The following ADAMTS6 variants were observed in gnomAD, a reference collection of about 807,000 sequenced individuals.
ADAMTS6 encodes the protein A disintegrin and metalloproteinase with thrombospondin motifs 6.
Under a neutral mutation model 144.3 loss-of-function variants are expected in ADAMTS6, and 23 were observed. The observed-to-expected ratio is 0.16, with a 90% CI of 0.11 to 0.23. ADAMTS6 has a LOEUF of 0.23. Ranked by LOEUF, ADAMTS6 falls within the 10% of genes least tolerant of loss-of-function variation. The pLI is 1.00. For synonymous variants in ADAMTS6, 444 were observed against 457.5 expected (o/e 0.97, Z 0.38); for missense variants, 999 against 1,379.6 (o/e 0.72, Z 4.37).
chr5:65,308,539 T>C (rs904036614), intron 9 of ADAMTS6, among the ~76,000 whole-genome samples: 32 of 152,292 alleles, frequency 2.1e-4, no homozygotes, highest in African/African-American at 7.5e-4. Context: ...ATCTTAAGAA[T>C]TGCAGCTATT....
chr5:65,172,689 GT>G (rs1303165989), intron 23 of ADAMTS6, 142 bp downstream of exon 23: 3 of 978,662 alleles, frequency 3.1e-6, no homozygotes. Flanking sequence ...TTTGTGCACT[GT>G]TTCACACTCA....
At chr5:65,412,072 G>A (rs1229483991) in intron 7 of ADAMTS6, among the ~76,000 whole-genome samples, 1 of 152,080 alleles carries the variant, frequency 6.6e-6, no homozygotes. Context: ...TTATTATACT[G>A]TCCATTTTAT....
At chr5:65,445,515 T>C (rs1412323741) in intron 7 of ADAMTS6, among the ~76,000 whole-genome samples, 2 of 152,188 alleles carry the variant, frequency 1.3e-5, no homozygotes, top group Non-Finnish European at 2.9e-5. Flanking sequence ...TGTTTTTGTG[T>C]ATTTTTAGTA....
chr5:65,257,188 C>T (rs148133837), intron 14 of ADAMTS6, among the ~76,000 whole-genome samples: 1 of 151,860 alleles, frequency 6.6e-6, no homozygotes, highest in Non-Finnish European at 1.5e-5. Context: ...ATTTTAAGTT[C>T]CAGTAGCATC....
chr5:65,295,536 T>A (rs1171612546), intron 10 of ADAMTS6, among the ~76,000 whole-genome samples: 2 of 152,122 alleles, frequency 1.3e-5, no homozygotes, highest in Non-Finnish European at 2.9e-5. Context: ...TGTAGAATAG[T>A]GTTAGTCTCC....
At chr5:65,287,925 A>C (rs1039530971) in intron 11 of ADAMTS6, among the ~76,000 whole-genome samples, 2 of 152,230 alleles carry the variant, frequency 1.3e-5, no homozygotes, top group African/African-American at 4.8e-5. Context: ...AGAATACTGC[A>C]TTATACAACT....
chr5:65,272,619 C>A (rs1762137111), intron 12 of ADAMTS6, among the ~76,000 whole-genome samples: 1 of 152,102 alleles, frequency 6.6e-6, no homozygotes, highest in Non-Finnish European at 1.5e-5. Context: ...TCTCATACTG[C>A]AATCTAAAAG....
chr5:65,403,770 T>C (rs1433252265), intron 7 of ADAMTS6, among the ~76,000 whole-genome samples: 2 of 152,060 alleles, frequency 1.3e-5, no homozygotes, highest in East Asian at 1.9e-4. Flanking sequence ...CATATACAAA[T>C]AATATAACTC....
chr5:65,316,070 C>T (rs895768595), intron 9 of ADAMTS6, among the ~76,000 whole-genome samples: 3 of 152,090 alleles, frequency 2.0e-5, no homozygotes, highest in Non-Finnish European at 2.9e-5. Context: ...TGCTGTCACA[C>T]GCTAATTTTT....
intron 7 of ADAMTS6, among the ~76,000 whole-genome samples, chr5:65,400,545 A>C (rs1249730554): frequency 6.6e-6 from 1 of 152,232 alleles, no homozygotes. Flanking sequence ...GATTTTCTGT[A>C]ATTTAAAAGC....
intron 7 of ADAMTS6, among the ~76,000 whole-genome samples, chr5:65,428,314 C>A (rs1244876623): frequency 6.7e-6 from 1 of 149,414 alleles, no homozygotes; most frequent in African/African-American, 2.5e-5. Flanking sequence ...ACAAATAATA[C>A]AACAGGTTCA....
intron 7 of ADAMTS6, 73 bp from the exon 8 acceptor site, chr5:65,334,158 T>G (rs1747076944): frequency 6.9e-7 from 1 of 1,445,478 alleles, no homozygotes; most frequent in Non-Finnish European, 9.3e-7. Context: ...TCATCATACT[T>G]CTCTCCTGAA....
chr5:65,370,907 C>A (rs1750823554), intron 7 of ADAMTS6, among the ~76,000 whole-genome samples: 1 of 152,316 alleles, frequency 6.6e-6, no homozygotes. Context: ...GTGATTCTCC[C>A]AGCACACAGC....
At chr5:65,262,719 A>T in intron 13 of ADAMTS6, 98 bp downstream of exon 13, 7 of 1,368,728 alleles carry the variant, frequency 5.1e-6, no homozygotes, top group Non-Finnish European at 6.6e-6. Flanking sequence ...TACTTGGCTC[A>T]CTAGCGAAAC....
chr5:65,452,010 T>C, intron 6 of ADAMTS6, 123 bp downstream of exon 6: 2 of 785,638 alleles, frequency 2.5e-6, no homozygotes, highest in Non-Finnish European at 3.8e-6. Flanking sequence ...GAGCTAAAAA[T>C]CATATCCAAC....
At position 65,312,394 on chromosome 5, in the gene ADAMTS6, A is replaced by C. The variant is rs532421230; in HGVS notation, c.1224-12263T>G. ...TGAATCACTTGTTATAGTAAAGAAAAGACAGAATTTAAGGGATGTACTCAG... is the reference window on the plus strand; with the variant it reads ...TGAATCACTTGTTATAGTAAAGAAACGACAGAATTTAAGGGATGTACTCAG... On this transcript the variant is annotated intron_variant, in intron 9 of 24. Transcript: ENST00000381055. Among the ~76,000 whole-genome samples the C allele has an allele frequency of 3.9e-4, 60 of 152,182 alleles. 1 individual carries two copies. The highest frequency in any genetic ancestry group is 3.7e-3 in the Admixed American group (56 of 15,288).
chr5:65,304,932 A>G (rs1014356158), intron 9 of ADAMTS6, among the ~76,000 whole-genome samples: 4 of 152,162 alleles, frequency 2.6e-5, no homozygotes, highest in Non-Finnish European at 5.9e-5. Flanking sequence ...AATGCTACAG[A>G]AAACAAACAT....
chr5:65,229,630 G>A lies in ADAMTS6; in HGVS notation c.1934-3411C>T, dbSNP rs962470485. On this transcript the variant is annotated intron_variant, in intron 15 of 24. Coordinates refer to ENST00000381055, the MANE Select transcript of ADAMTS6 (RefSeq NM_197941.4). The stretch of plus-strand genomic sequence containing the variant: ...TCATTAATAAAAACAGATTCTGGAG[G>A]TAAAGAAAACAATGAATAAAATGAA... Among the ~76,000 whole-genome samples, 9 of 152,034 alleles carry A rather than the reference G, an allele frequency of 5.9e-5. No homozygotes were observed. The East Asian group carries it at 1.7e-3, about 29-fold the overall frequency.
At chr5:65,245,652 T>C (rs1759564572) in intron 14 of ADAMTS6, among the ~76,000 whole-genome samples, 2 of 152,192 alleles carry the variant, frequency 1.3e-5, no homozygotes, top group African/African-American at 4.8e-5. Context: ...GAAAACTGAA[T>C]AAAGATAGGT....
Sources: gnomAD v4.1 joint callset for allele counts (sites outside exome capture counted in the v4.1 genomes callset) on GRCh38, gnomAD v4.1.1 for gene constraint, MANE v1.5 for transcripts, NCBI Gene and HGNC (gene_info 2026-07-23, HGNC 2026-07-21) for gene names.